Variants in STOML3 observed in about 807,000 individuals in gnomAD.
STOML3 encodes stomatin like 3, also known as stomatin-like protein 3.
In STOML3, 31 loss-of-function variants were observed where a neutral mutation model predicts 29.5. The observed-to-expected ratio is 1.05, with a 90% confidence interval of 0.79 to 1.42. The LOEUF (loss-of-function observed/expected upper bound fraction) is 1.42. Ranked by LOEUF, STOML3 falls within the 40% of genes most tolerant of loss-of-function variation. The pLI, the probability that STOML3 is intolerant of heterozygous loss-of-function variation, is 0.00. For synonymous variants in STOML3, 122 were observed against 139.8 expected (o/e 0.87, Z 0.90); for missense variants, 380 against 363.0 (o/e 1.05, Z -0.38).
intron 1 of STOML3, among the ~76,000 whole-genome samples, chr13:38,983,009 G>A (rs1393985502): frequency 6.6e-6 from 1 of 152,070 alleles, no homozygotes; most frequent in Non-Finnish European, 1.5e-5. Context: ...GCCAGACACA[G>A]GCATGAGTGA....
At chr13:38,988,306 T>G (rs188099650) in intron 1 of STOML3, among the ~76,000 whole-genome samples, 2 of 85,346 alleles carry the variant, frequency 2.3e-5, no homozygotes, top group South Asian at 4.4e-4. Context: ...ATCATATATT[T>G]TATATATAAT....
At chr13:38,969,856 T>C (rs909298800) in intron 5 of STOML3, among the ~76,000 whole-genome samples, 2 of 152,194 alleles carry the variant, frequency 1.3e-5, no homozygotes, top group African/African-American at 4.8e-5. Context: ...TCTGGAATAA[T>C]CTAACCTAAA....
chr13:38,970,958 C>G (rs1490917942), intron 4 of STOML3, among the ~76,000 whole-genome samples: 1 of 152,122 alleles, frequency 6.6e-6, no homozygotes, highest in Non-Finnish European at 1.5e-5. Flanking sequence ...GAACCTAGAA[C>G]TGTCCATTAC....
intron 1 of STOML3, among the ~76,000 whole-genome samples, chr13:38,982,665 G>C (rs945153104): frequency 1.3e-5 from 2 of 152,074 alleles, no homozygotes; most frequent in Non-Finnish European, 2.9e-5. Flanking sequence ...CATCAAACTG[G>C]GTACTGGGTC....
chr13:38,970,472 T>G, intron 4 of STOML3, 84 bp from the exon 5 acceptor site: 3 of 1,163,452 alleles, frequency 2.6e-6, no homozygotes, highest in Non-Finnish European at 3.8e-6. Flanking sequence ...AGAGCCATCC[T>G]CCACAGAAGG....
At chr13:38,986,555 A>C (rs1225383214) in intron 1 of STOML3, among the ~76,000 whole-genome samples, 1 of 152,120 alleles carries the variant, frequency 6.6e-6, no homozygotes, top group Non-Finnish European at 1.5e-5. Flanking sequence ...AGATACAGTC[A>C]GCAAATAGAA....
In STOML3 at chr13:38,977,750, A is replaced by ATTTTTT. The variant is rs397851686; in HGVS notation, c.53-959_53-954dup. ...ATTATATAATTTCTGAAGTCTCCGG[A>ATTTTTT]TTTTTTTTTTTTTTTTTTTTTTTTT... On this transcript the variant is annotated intron_variant, in intron 1 of 6. Coordinates refer to ENST00000379631, the MANE Select transcript of STOML3 (RefSeq NM_145286.3). 2.0e-4 allele frequency among the ~76,000 whole-genome samples: 17 copies of ATTTTTT among 84,234 alleles called. 2 individuals are homozygous for ATTTTTT. The highest frequency in any genetic ancestry group is 5.5e-4 in the Admixed American group (3 of 5,470). 55.3% of individuals were successfully genotyped at this position (84,234 alleles called of 152,430 possible). A position where few individuals can be genotyped will look rare whatever the true frequency, so the allele number is the denominator to read the frequency against.
In STOML3 at chr13:38,988,124, TTATATTTTATATCA is replaced by T. The variant is rs1172108860; in HGVS notation, c.52+2532_52+2545del. ...TATTTTATATCATATATTTTATATA[TTATATTTTATATCA>T]TATATTTTATATCATATATTTTATA... On this transcript the variant is annotated intron_variant, in intron 1 of 6. Coordinates refer to ENST00000379631, the MANE Select transcript of STOML3 (RefSeq NM_145286.3). Among the ~76,000 whole-genome samples the T allele has an allele frequency of 5.2e-3, 429 of 82,350 alleles. 33 individuals carry two copies. Among genetic ancestry groups the T allele is most frequent in the Admixed American group, 6.9e-3 (37 of 5,386 alleles). 54.0% of individuals were successfully genotyped at this position (82,350 alleles called of 152,430 possible). A position where few individuals can be genotyped will look rare whatever the true frequency, so the allele number is the denominator to read the frequency against.
At chr13:38,976,892 A>G in intron 1 of STOML3, 95 bp from the exon 2 acceptor site, 1 of 1,020,420 alleles carries the variant, frequency 9.8e-7, no homozygotes, top group Non-Finnish European at 1.5e-6. Context: ...ACAGCTGGCC[A>G]AGCCTGATGT....
intron 3 of STOML3, 33 bp downstream of exon 3, chr13:38,976,507 A>G: frequency 6.2e-7 from 1 of 1,612,706 alleles, no homozygotes. Flanking sequence ...GGTGTCCCTG[A>G]TCTTTCAGGG....
intron 1 of STOML3, among the ~76,000 whole-genome samples, chr13:38,985,467 A>G (rs1049626800): frequency 1.3e-5 from 2 of 152,096 alleles, no homozygotes; most frequent in Admixed American, 6.6e-5. Context: ...AATAAAGAAA[A>G]AATGTTTTCC....
At chr13:38,980,233 G>A (rs1350579492) in intron 1 of STOML3, 2 of 1,169,652 alleles carry the variant, frequency 1.7e-6, no homozygotes, top group Non-Finnish European at 2.4e-6. Flanking sequence ...AATTGGTGGA[G>A]CCTGGGGGTC....
intron 3 of STOML3, among the ~76,000 whole-genome samples, chr13:38,975,746 A>G (rs1881050289): frequency 6.6e-6 from 1 of 152,216 alleles, no homozygotes. Flanking sequence ...TATTAAATCA[A>G]TATCTTACTT....
rs1555282960 is a variant in STOML3, at chr13:38,988,367, T to TAA, written c.52+2301_52+2302dup. On this transcript the variant is annotated intron_variant, in intron 1 of 6. Transcript: ENST00000379631. Reference sequence around the variant, plus strand: ...TATATTTTATATCATATATTTTATATAATATATTATATTTTATATCATATA... The same window carrying TAA: ...TATATTTTATATCATATATTTTATATAAAATATATTATATTTTATATCATATA... 7.0e-3 allele frequency among the ~76,000 whole-genome samples: 358 copies of TAA among 50,874 alleles called. 53 individuals are homozygous for TAA. The African/African-American group carries it at 0.092, about 13-fold the overall frequency. 33.4% of individuals were successfully genotyped at this position (50,874 alleles called of 152,430 possible). A position where few individuals can be genotyped will look rare whatever the true frequency, so the allele number is the denominator to read the frequency against.
Position 38,988,374 on chromosome 13 carries a change from T to TGA in STOML3, c.52+2295_52+2296insTC, listed in dbSNP as rs1436205738. ...TATATCATATATTTTATATAATATA[T>TGA]TATATTTTATATCATATATTTTATA... On this transcript the variant is annotated intron_variant, in intron 1 of 6. Coordinates refer to ENST00000379631, the MANE Select transcript of STOML3 (RefSeq NM_145286.3). Among the ~76,000 whole-genome samples, 24 of 92,722 alleles carry TGA rather than the reference T, an allele frequency of 2.6e-4. 7 individuals are homozygous for TGA. Among genetic ancestry groups the TGA allele is most frequent in the Non-Finnish European group, 4.1e-4 (23 of 56,070 alleles). 60.8% of individuals were successfully genotyped at this position (92,722 alleles called of 152,430 possible).
chr13:38,981,824 G>A (rs1428470365), intron 1 of STOML3, among the ~76,000 whole-genome samples: 1 of 152,150 alleles, frequency 6.6e-6, no homozygotes. Flanking sequence ...TGGAAGTTAA[G>A]TTGGTACAAT....
intron 1 of STOML3, among the ~76,000 whole-genome samples, chr13:38,985,669 A>C (rs1279615487): frequency 6.6e-6 from 1 of 151,836 alleles, no homozygotes; most frequent in African/African-American, 2.4e-5. Flanking sequence ...CAATGGAGGG[A>C]TAATTAAGCA....
At position 38,970,184 on chromosome 13, in the gene STOML3, C is replaced by CTAATG; in HGVS notation, c.516_516+1insCATTA (p.Thr173HisfsTer2). 3 of 1,611,294 alleles carry CTAATG rather than the reference C, an allele frequency of 1.9e-6. No homozygotes were observed. The highest frequency in any genetic ancestry group is 1.8e-4 in the Middle Eastern group (1 of 5,572). ...AGGCTATTAGTTCATGGTGTCTTTACCTGGATGCTATGGGCGATCTCTTCT... is the reference window on the plus strand; with the variant it reads ...AGGCTATTAGTTCATGGTGTCTTTACTAATGCTGGATGCTATGGGCGATCTCTTCT... On this transcript the variant is annotated frameshift_variant and splice_region_variant. Coordinates refer to ENST00000379631, the MANE Select transcript of STOML3 (RefSeq NM_145286.3). LOFTEE classifies it high-confidence loss of function.
At position 38,977,894 on chromosome 13, in the gene STOML3, G is replaced by A. The variant is rs190891126; in HGVS notation, c.53-1097C>T. On this transcript the variant is annotated intron_variant, in intron 1 of 6. Transcript: ENST00000379631. ...CCTGCCTCAGCCTCCCGAGTAGCTG[G>A]GACTACAGGCTCCCGCCACCACACC... 3.1e-3 allele frequency among the ~76,000 whole-genome samples: 471 copies of A among 151,366 alleles called. 3 individuals carry two copies. The highest frequency in any genetic ancestry group is 0.011 in the African/African-American group (448 of 41,306).
Sources: allele counts gnomAD v4.1 joint callset (sites outside exome capture counted in the v4.1 genomes callset), GRCh38; gene constraint gnomAD v4.1.1; transcripts MANE v1.5; gene names NCBI Gene and HGNC (gene_info 2026-07-23, HGNC 2026-07-21).